The following NIPAL4 variants were observed in gnomAD, a reference collection of about 807,000 sequenced individuals.
NIPAL4 encodes the protein magnesium transporter NIPA4.
A neutral mutation model predicts 31.6 loss-of-function variants in NIPAL4; 21 were observed. That is an observed-to-expected ratio of 0.67 (90% confidence interval 0.47 to 0.96). The LOEUF is 0.96. NIPAL4 is among the 40% of genes least tolerant of loss of function. The pLI is 0.00. For missense variants in NIPAL4, 438 were observed against 508.0 expected (o/e 0.86, Z 1.32); for synonymous variants, 175 against 211.1 (o/e 0.83, Z 1.48).
rs1195010958 is a variant in NIPAL4, at chr5:157,474,028, G to A, written c.*1068G>A. 1 of 152,242 alleles carries A rather than the reference G, an allele frequency of 6.6e-6. No homozygotes were observed. The highest frequency in any genetic ancestry group is 2.4e-5 in the African/African-American group (1 of 41,458). 9.4% of individuals were successfully genotyped at this position (152,242 alleles called of 1,614,324 possible). On this transcript the variant is annotated 3_prime_UTR_variant, in exon 6 of 6. Coordinates refer to ENST00000311946, the MANE Select transcript of NIPAL4 (RefSeq NM_001099287.2). ...GCTCATCTGGGAACTTAGGAGAAAC[G>A]AGCTCAGGGGTAATTTCTGGGTTGC... is the stretch of plus-strand genomic sequence containing the variant.
chr5:157,472,452 C>A lies in NIPAL4; in HGVS notation c.707C>A (p.Ala236Asp). ...ATCATCATCTGCTCTGTGATCGGGGCCTTCTCTGTGGCTGCTGTCAAGGGG... is the reference window on the plus strand; with the variant it reads ...ATCATCATCTGCTCTGTGATCGGGGACTTCTCTGTGGCTGCTGTCAAGGGG... ...IYIIICSVIG[A>D]FSVAAVKGLG... The change falls in exon 6 of 6, where the codon GCC becomes GAC. Residue 236 changes from alanine (A) to aspartate (D), a missense_variant. Ala to Asp is a moderately radical substitution (Grantham distance 126, BLOSUM62 -2). Transcript: ENST00000311946. 11 of 1,613,910 alleles carry A rather than the reference C, an allele frequency of 6.8e-6. No homozygotes were observed. Among genetic ancestry groups the A allele is most frequent in the African/African-American group, 1.3e-5 (1 of 74,990 alleles).
Position 157,472,605 on chromosome 5 carries a change from A to T in NIPAL4, c.860A>T (p.Asp287Val). 2 of 1,613,854 alleles carry T rather than the reference A, an allele frequency of 1.2e-6. No homozygotes were observed. The highest frequency in any genetic ancestry group is 1.7e-6 in the Non-Finnish European group (2 of 1,179,880). ...GTCAACTTCCTCAACAGAGCACTGG[A>T]CATTTTCAACACTTCCCTGGTGTTC... ...TQVNFLNRALDIFNTSLVFPI... is the reference protein window; with the variant it reads ...TQVNFLNRALVIFNTSLVFPI... Residue 287 changes from aspartate to valine, a missense_variant, in exon 6 of 6, where the codon GAC becomes GTC. Transcript: ENST00000311946.
intron 2 of NIPAL4, among the ~76,000 whole-genome samples, chr5:157,466,766 G>C (rs1467756251): frequency 6.6e-6 from 1 of 152,162 alleles, no homozygotes; most frequent in South Asian, 2.1e-4. Flanking sequence ...GCTCCATTTA[G>C]GACAGAAATT....
intron 4 of NIPAL4, 130 bp from the exon 5 acceptor site, chr5:157,471,527 A>AC (rs1754434235): frequency 2.8e-6 from 2 of 703,426 alleles, no homozygotes; most frequent in Non-Finnish European, 4.6e-6. Flanking sequence ...TTGGAAGAAA[A>AC]CCTTCCACGT....
rs76314888 is a variant in NIPAL4, at chr5:157,460,978, C to A, written c.37+621C>A. On this transcript the variant is annotated intron_variant, in intron 1 of 5. Coordinates refer to ENST00000311946, the MANE Select transcript of NIPAL4 (RefSeq NM_001099287.2). ...AAGATCCAGAAACTGAGGCTCTGAG[C>A]AGCTAATAATTTGCTCAAGGTAATA... Among the ~76,000 whole-genome samples, 1,394 of 152,316 alleles carry A rather than the reference C, an allele frequency of 9.2e-3. 29 individuals carry two copies. The highest frequency in any genetic ancestry group is 0.031 in the African/African-American group (1,301 of 41,566).
chr5:157,467,317 T>C (rs944661392), intron 3 of NIPAL4: 19 of 547,072 alleles, frequency 3.5e-5, no homozygotes, highest in Non-Finnish European at 1.0e-5. Flanking sequence ...CCAGAGAGGT[T>C]TGCACAGAGC....
chr5:157,464,226 G>C (rs1754191748), intron 2 of NIPAL4, among the ~76,000 whole-genome samples: 2 of 152,134 alleles, frequency 1.3e-5, no homozygotes, highest in African/African-American at 4.8e-5. Flanking sequence ...CACGTGCAAA[G>C]GCTCAGAGGT....
At position 157,460,270 on chromosome 5, in the gene NIPAL4, G is replaced by A. The variant is rs1187451857; in HGVS notation, c.-51G>A. 2 of 1,545,158 alleles carry A rather than the reference G, an allele frequency of 1.3e-6. No homozygotes were observed. Among genetic ancestry groups the A allele is most frequent in the South Asian group, 1.2e-5 (1 of 83,826 alleles). On this transcript the variant is annotated 5_prime_UTR_variant, in exon 1 of 6. Coordinates refer to ENST00000311946, the MANE Select transcript of NIPAL4 (RefSeq NM_001099287.2). ...GTCGCGGCCACCTGCTCCGGAGCTGGGGAGCCCGGGCGCCGTCCGCCCGCG... is the reference window on the plus strand; with the variant it reads ...GTCGCGGCCACCTGCTCCGGAGCTGAGGAGCCCGGGCGCCGTCCGCCCGCG...
chr5:157,469,327 G>A lies in NIPAL4; in HGVS notation c.425+515G>A, dbSNP rs190289118. ...TGAGATAATGCACAGAAAATGCACA[G>A]TACAGAGCTGGGACCAAACAATAAC... On this transcript the variant is annotated intron_variant, in intron 4 of 5. Transcript: ENST00000311946. 3.5e-4 allele frequency among the ~76,000 whole-genome samples: 54 copies of A among 152,350 alleles called. 1 individual carries two copies. The East Asian group carries it at 4.4e-3, about 13-fold the overall frequency.
At chr5:157,463,396 C>A in intron 2 of NIPAL4, 63 bp downstream of exon 2, 1 of 1,513,608 alleles carries the variant, frequency 6.6e-7, no homozygotes, top group Non-Finnish European at 8.8e-7. Context: ...AGGTCCGGGG[C>A]TGTAGTCTAA....
chr5:157,460,652 T>G (rs1581263782), intron 1 of NIPAL4: 240 of 384,104 alleles, frequency 6.2e-4, no homozygotes, highest in Non-Finnish European at 7.9e-4. Flanking sequence ...CCCTGAGAGG[T>G]GGTGGGGGCG....
In NIPAL4 at chr5:157,472,359, T is replaced by G; in HGVS notation, c.614T>G (p.Leu205Arg). 1 of 1,608,174 alleles carries G rather than the reference T, an allele frequency of 6.2e-7. No homozygotes were observed. Among genetic ancestry groups the G allele is most frequent in the African/African-American group, 1.3e-5 (1 of 74,990 alleles). The stretch of plus-strand genomic sequence containing the variant: ...TTCATCGTGTTTGCTGTGCTTCTGC[T>G]GGTGTCATGCCTCATCCTCATCTTT... ...TGFIVFAVLLLVSCLILIFVI... is the reference protein window; with the variant it reads ...TGFIVFAVLLRVSCLILIFVI... The change falls in exon 6 of 6, where the codon CTG becomes CGG. Residue 205 changes from leucine to arginine, a missense_variant. Coordinates refer to ENST00000311946, the MANE Select transcript of NIPAL4 (RefSeq NM_001099287.2).
intron 1 of NIPAL4, among the ~76,000 whole-genome samples, chr5:157,462,151 G>A (rs926357269): frequency 2.6e-5 from 4 of 152,198 alleles, no homozygotes; most frequent in South Asian, 2.1e-4. Flanking sequence ...GGCCAAGCAC[G>A]TGCTAGAAAT....
intron 4 of NIPAL4, among the ~76,000 whole-genome samples, chr5:157,470,011 G>A (rs1347624578): frequency 1.3e-5 from 2 of 152,158 alleles, no homozygotes; most frequent in Non-Finnish European, 2.9e-5. Flanking sequence ...ATAATCTCTT[G>A]AATGGGACAT....
rs1463139128 is a variant in NIPAL4 at position 157,472,793 on chromosome 5, A to G, written c.1048A>G (p.Ile350Val). ...FMLHAFKDLD[I>V]SCASLPHMHK... The stretch of plus-strand genomic sequence containing the variant: ...GCTGCATGCTTTCAAAGACCTGGAC[A>G]TCAGCTGCGCCAGCTTGCCCCACAT... The change falls in exon 6 of 6, where the codon ATC becomes GTC. Residue 350 changes from isoleucine (I) to valine (V), a missense_variant. Coordinates refer to ENST00000311946, the MANE Select transcript of NIPAL4 (RefSeq NM_001099287.2). 1 of 1,607,688 alleles carries G rather than the reference A, an allele frequency of 6.2e-7. No homozygotes were observed. Among genetic ancestry groups the G allele is most frequent in the African/African-American group, 1.3e-5 (1 of 74,810 alleles).
chr5:157,469,872 A>G lies in NIPAL4; in HGVS notation c.425+1060A>G, dbSNP rs184112775. ...GTACAACTCGCCTGATTCATGCTGT[A>G]TAACTGGCCTAACACAGCTGATGTA... is the stretch of plus-strand genomic sequence containing the variant. On this transcript the variant is annotated intron_variant, in intron 4 of 5. Coordinates refer to ENST00000311946, the MANE Select transcript of NIPAL4 (RefSeq NM_001099287.2). Among the ~76,000 whole-genome samples the G allele has an allele frequency of 4.8e-4, 73 of 152,354 alleles. 1 individual carries two copies. Among genetic ancestry groups the G allele is most frequent in the Non-Finnish European group, 8.7e-4 (59 of 68,028 alleles).
chr5:157,464,190 G>T (rs1301164124), intron 2 of NIPAL4, among the ~76,000 whole-genome samples: 1 of 152,150 alleles, frequency 6.6e-6, no homozygotes, highest in Non-Finnish European at 1.5e-5. Context: ...GAAATAGGGA[G>T]ACAGTGTTCC....
In NIPAL4 at chr5:157,460,217, TC is replaced by T; in HGVS notation, c.-103del. The stretch of plus-strand genomic sequence containing the variant: ...CCCCTGGGTCCGGACCCCGGCGGCT[TC>T]TCGCGCGCGAGCCACGCGGGGGACA... On this transcript the variant is annotated 5_prime_UTR_variant, in exon 1 of 6. Coordinates refer to ENST00000311946, the MANE Select transcript of NIPAL4 (RefSeq NM_001099287.2). The T allele has an allele frequency of 3.4e-6, 5 of 1,491,326 alleles. No individual in the cohort carries two copies. In the Admixed American group the frequency reaches 9.5e-5, roughly 28 times the overall value. 92.4% of individuals were successfully genotyped at this position (1,491,326 alleles called of 1,614,324 possible).
In NIPAL4 at chr5:157,463,473, G is replaced by C. The variant is rs976801692; in HGVS notation, c.277+140G>C. The C allele has an allele frequency of 5.7e-6, 6 of 1,059,232 alleles. No individual in the cohort carries two copies. In the African/African-American group the frequency reaches 8.0e-5, roughly 14 times the overall value. 65.6% of individuals were successfully genotyped at this position (1,059,232 alleles called of 1,614,324 possible). On this transcript the variant is annotated intron_variant, in intron 2 of 5. Transcript: ENST00000311946. The stretch of plus-strand genomic sequence containing the variant: ...CTATCTGGAATCCCACCTGCCAACA[G>C]GGTTAGGGTTTAGGGTTATAAAGGA...
Sources: allele counts gnomAD v4.1 joint callset (sites outside exome capture counted in the v4.1 genomes callset), GRCh38; gene constraint gnomAD v4.1.1; transcripts MANE v1.5; gene names NCBI Gene and HGNC (gene_info 2026-07-23, HGNC 2026-07-21).